The following IL21R variants were observed in gnomAD, a reference collection of about 807,000 sequenced individuals.
The protein encoded by IL21R is interleukin 21 receptor, also known as interleukin-21 receptor.
In IL21R, 14 loss-of-function variants were observed where a neutral mutation model predicts 41.3. That is an observed-to-expected ratio of 0.34 (90% CI 0.22 to 0.53). IL21R has a LOEUF of 0.53. IL21R is among the 20% of genes least tolerant of loss of function. IL21R has a pLI of 0.94. For synonymous variants in IL21R, 286 were observed against 287.6 expected (o/e 0.99, Z 0.05); for missense variants, 588 against 681.6 (o/e 0.86, Z 1.53).
intron 1 of IL21R, chr16:27,403,159 C>A: frequency 8.0e-7 from 1 of 1,250,060 alleles, no homozygotes. Context: ...GGCAGTCAAG[C>A]CAGGTGACCC....
chr16:27,411,596 G>A (rs2086824062), intron 1 of IL21R, among the ~76,000 whole-genome samples: 2 of 151,112 alleles, frequency 1.3e-5, no homozygotes, highest in South Asian at 4.2e-4. Context: ...CTGAGTAACT[G>A]GAATTACAGG....
rs760407005 is a variant in IL21R at position 27,450,697 on chromosome 16, C to T, written c.*1414C>T. The T allele has an allele frequency of 8.1e-5, 18 of 221,936 alleles. No homozygotes were observed. The highest frequency in any genetic ancestry group is 2.7e-4 in the African/African-American group (12 of 44,620). The allele number at this position is 221,936 out of a possible 1,614,324, so 13.7% of individuals were successfully genotyped here. On this transcript the variant is annotated 3_prime_UTR_variant, in exon 9 of 9. Transcript: ENST00000337929. ...TCTCCCGGGTTCAAGCGATTTCCTG[C>T]GTCAGCCCCAGAGTAGCTGGAATTA...
At chr16:27,431,259 C>T (rs2141285550) in intron 2 of IL21R, among the ~76,000 whole-genome samples, 1 of 152,354 alleles carries the variant, frequency 6.6e-6, no homozygotes, top group South Asian at 2.1e-4. Flanking sequence ...CAAGCATCCT[C>T]ATCTTGGTTC....
At chr16:27,446,692 G>A (rs1025375479) in intron 8 of IL21R, among the ~76,000 whole-genome samples, 1 of 152,212 alleles carries the variant, frequency 6.6e-6, no homozygotes, top group African/African-American at 2.4e-5. Flanking sequence ...GGTCTCCTGA[G>A]TCACAGATTG....
At chr16:27,448,165 C>T (rs1293495166) in intron 8 of IL21R, 1 of 205,432 alleles carries the variant, frequency 4.9e-6, no homozygotes, top group Non-Finnish European at 9.9e-6. Flanking sequence ...TGTTTAAACC[C>T]TCACCTTGGC....
intron 5 of IL21R, 120 bp downstream of exon 5, chr16:27,443,236 A>T: frequency 2.3e-6 from 2 of 886,812 alleles, no homozygotes; most frequent in Non-Finnish European, 3.3e-6. Flanking sequence ...ACAGAGACCA[A>T]GGGCACGAGC....
In IL21R at chr16:27,440,248, T is replaced by TAGAGAGAGAG. The variant is rs1217071764; in HGVS notation, c.352+2584_352+2593dup. Among the ~76,000 whole-genome samples the TAGAGAGAGAG allele has an allele frequency of 4.5e-3, 291 of 64,024 alleles. 2 individuals are homozygous for TAGAGAGAGAG. The highest frequency in any genetic ancestry group is 6.0e-3 in the Non-Finnish European group (224 of 37,638). 42.0% of individuals were successfully genotyped at this position (64,024 alleles called of 152,430 possible). ...ATATATATATATATATATATATATATAGAGAGAGAGAGAGAGAGAGAGAGA... is the reference window on the plus strand; with the variant it reads ...ATATATATATATATATATATATATATAGAGAGAGAGAGAGAGAGAGAGAGAGAGAGAGAGA... On this transcript the variant is annotated intron_variant, in intron 4 of 8. Transcript: ENST00000337929.
intron 4 of IL21R, among the ~76,000 whole-genome samples, chr16:27,438,246 G>C (rs1010361564): frequency 4.6e-5 from 7 of 151,800 alleles, no homozygotes; most frequent in African/African-American, 1.7e-4. Flanking sequence ...TGACTTTCTG[G>C]GATCCTGACC....
rs149169230 is a variant in IL21R at position 27,434,361 on chromosome 16, G to A, written c.64G>A (p.Asp22Asn). The change falls in exon 3 of 9, where the codon GAC becomes AAC. Residue 22 changes from aspartate to asparagine, a missense_variant. Coordinates refer to ENST00000337929, the MANE Select transcript of IL21R (RefSeq NM_181078.3). ...TGACCCTCCAGGCTGGGGCTGCCCCGACCTCGTCTGCTACACCGATTACCT... is the reference window on the plus strand; with the variant it reads ...TGACCCTCCAGGCTGGGGCTGCCCCAACCTCGTCTGCTACACCGATTACCT... ...LLLQGGWGCP[D>N]LVCYTDYLQT... 24 of 1,613,356 alleles carry A rather than the reference G, an allele frequency of 1.5e-5. No homozygotes were observed. The East Asian group carries it at 1.8e-4, about 12-fold the overall frequency.
At chr16:27,431,662 T>G (rs1346428250) in intron 2 of IL21R, among the ~76,000 whole-genome samples, 1 of 152,120 alleles carries the variant, frequency 6.6e-6, no homozygotes, top group Non-Finnish European at 1.5e-5. Flanking sequence ...CTTTGCTTTT[T>G]TTTTTTGAGA....
At chr16:27,432,621 G>A (rs1326011156) in intron 2 of IL21R, among the ~76,000 whole-genome samples, 1 of 152,186 alleles carries the variant, frequency 6.6e-6, no homozygotes, top group Non-Finnish European at 1.5e-5. Flanking sequence ...ACGAGGATAC[G>A]AACTCAGAGA....
chr16:27,412,552 T>C (rs179769), intron 1 of IL21R, among the ~76,000 whole-genome samples: 15,732 of 152,028 alleles, frequency 0.1, 980 homozygotes, highest in East Asian at 0.18. Context: ...TTTGATAGGG[T>C]TTATATTAAA....
chr16:27,405,026 T>C (rs1050155993), intron 1 of IL21R, among the ~76,000 whole-genome samples: 1 of 139,874 alleles, frequency 7.1e-6, no homozygotes, highest in African/African-American at 2.8e-5. Flanking sequence ...CATGTTTTAC[T>C]TTTTTTTTTT....
chr16:27,437,033 C>T (rs1381214503), intron 3 of IL21R, among the ~76,000 whole-genome samples: 1 of 152,130 alleles, frequency 6.6e-6, no homozygotes, highest in Non-Finnish European at 1.5e-5. Flanking sequence ...CATGATCACA[C>T]TACTATACTC....
chr16:27,402,942 G>A (rs1326014788), intron 1 of IL21R: 3 of 362,628 alleles, frequency 8.3e-6, no homozygotes, highest in South Asian at 4.3e-5. Flanking sequence ...TCAATCACCC[G>A]ATTCTGGGCG....
chr16:27,418,596 A>AAAT (rs1596572366), intron 1 of IL21R, among the ~76,000 whole-genome samples: 1 of 149,258 alleles, frequency 6.7e-6, no homozygotes, highest in East Asian at 2.0e-4. Context: ...AGTCTTGATC[A>AAAT]CCTGACCTCG....
At chr16:27,433,231 C>T (rs556697302) in intron 2 of IL21R, among the ~76,000 whole-genome samples, 1 of 152,282 alleles carries the variant, frequency 6.6e-6, no homozygotes, top group African/African-American at 2.4e-5. Context: ...CTTTGGGAGG[C>T]TGAGGCAGGT....
At chr16:27,422,539 C>G (rs2087014549) in intron 1 of IL21R, among the ~76,000 whole-genome samples, 4 of 152,130 alleles carry the variant, frequency 2.6e-5, no homozygotes, top group Admixed American at 2.6e-4. Flanking sequence ...TACTAATCCT[C>G]TCTTCTGATG....
At chr16:27,421,674 A>C (rs2087003325) in intron 1 of IL21R, among the ~76,000 whole-genome samples, 2 of 152,050 alleles carry the variant, frequency 1.3e-5, no homozygotes, top group Non-Finnish European at 2.9e-5. Context: ...GTGTGTATAA[A>C]ATATCATTAT....
Sources: gnomAD v4.1 joint callset for allele counts (sites outside exome capture counted in the v4.1 genomes callset) on GRCh38, gnomAD v4.1.1 for gene constraint, MANE v1.5 for transcripts, NCBI Gene and HGNC (gene_info 2026-07-23, HGNC 2026-07-21) for gene names.